MTA3: variants seen among roughly 807,000 people sequenced by gnomAD.
MTA3 encodes metastasis-associated protein MTA3.
MTA3 carries 34 observed loss-of-function variants against 83.5 expected under a neutral mutation model. The observed-to-expected ratio is 0.41, with a 90% confidence interval of 0.31 to 0.54. The LOEUF (loss-of-function observed/expected upper bound fraction) is 0.54. Ranked by LOEUF, MTA3 falls within the 20% of genes least tolerant of loss-of-function variation. The probability of loss-of-function intolerance (pLI) is 0.33; values close to 1 mark genes in which losing one functional copy is unlikely to be tolerated. For missense variants in MTA3, 761 were observed against 726.4 expected (o/e 1.05, Z -0.55); for synonymous variants, 303 against 252.7 (o/e 1.20, Z -1.89).
chr2:42,748,424 A>T (rs1267134850), intron 16 of MTA3, among the ~76,000 whole-genome samples: 2 of 152,110 alleles, frequency 1.3e-5, no homozygotes, highest in African/African-American at 2.4e-5. Context: ...GTCATTTTGG[A>T]TGATTTTTAG....
chr2:42,542,974 G>C (rs1281077795), intron 2 of MTA3, among the ~76,000 whole-genome samples: 1 of 152,094 alleles, frequency 6.6e-6, no homozygotes, highest in African/African-American at 2.4e-5. Context: ...TCTCCCCGAG[G>C]AGTTTGGGGC....
Position 42,753,436 on chromosome 2 carries a change from G to A in MTA3, c.*37G>A. 1.9e-6 allele frequency: 3 copies of A among 1,550,426 alleles called. No homozygotes were observed. Among genetic ancestry groups the A allele is most frequent in the Non-Finnish European group, 2.6e-6 (3 of 1,146,876 alleles). On this transcript the variant is annotated 3_prime_UTR_variant, in exon 17 of 17. Transcript: ENST00000405094. ...TTCATTCTACAATCCAAGACTTGCT[G>A]CACTGTCCTGCTGATGTTCACAGCC...
At chr2:42,733,358 AG>A (rs1453319580) in intron 16 of MTA3, among the ~76,000 whole-genome samples, 1 of 152,210 alleles carries the variant, frequency 6.6e-6, no homozygotes, top group East Asian at 1.9e-4. Flanking sequence ...CACTATCATG[AG>A]AATAGCACAG....
intron 6 of MTA3, among the ~76,000 whole-genome samples, chr2:42,653,047 A>G (rs1025516152): frequency 2.1e-4 from 32 of 152,260 alleles, no homozygotes; most frequent in African/African-American, 6.8e-4. Flanking sequence ...CTTAAGAAGT[A>G]CTTTGTCAGT....
intron 3 of MTA3, among the ~76,000 whole-genome samples, chr2:42,583,648 C>T (rs752735224): frequency 2.0e-5 from 3 of 151,894 alleles, no homozygotes; most frequent in Non-Finnish European, 4.4e-5. Context: ...CATGCCTCAG[C>T]CTCCCGAATA....
In MTA3 at chr2:42,668,525, C is replaced by T. The variant is rs138100231; in HGVS notation, c.702+8663C>T. 1.8e-3 allele frequency among the ~76,000 whole-genome samples: 280 copies of T among 152,244 alleles called. 2 individuals carry two copies. Among genetic ancestry groups the T allele is most frequent in the African/African-American group, 5.3e-3 (222 of 41,544 alleles). On this transcript the variant is annotated intron_variant, in intron 8 of 16. Coordinates refer to ENST00000405094, the MANE Select transcript of MTA3 (RefSeq NM_001330442.2). ...ATAATTACTTGTAAAGTGTTCAGAG[C>T]AGTATCTGGCACAGTGTCAGAGCTC... is the stretch of plus-strand genomic sequence containing the variant.
intron 7 of MTA3, 66 bp downstream of exon 7, chr2:42,656,368 G>A: frequency 2.0e-6 from 2 of 984,330 alleles, no homozygotes; most frequent in Non-Finnish European, 2.9e-6. Context: ...ATAGGTATAT[G>A]TATTTTTATT....
chr2:42,609,121 C>G (rs1234040796), intron 3 of MTA3, among the ~76,000 whole-genome samples: 3 of 151,596 alleles, frequency 2.0e-5, no homozygotes. Flanking sequence ...AACTCCACCC[C>G]CTGGATTCAA....
rs762306383 is a variant in MTA3 at position 42,587,857 on chromosome 2, C to T, written c.190+8657C>T. Reference sequence around the variant, plus strand: ...CCTCAAGTGATCTGCCCACCTTGGCCTCCTAAGGTGCTGGGGTTCCAGGTG... The same window carrying T: ...CCTCAAGTGATCTGCCCACCTTGGCTTCCTAAGGTGCTGGGGTTCCAGGTG... On this transcript the variant is annotated intron_variant, in intron 3 of 16. Transcript: ENST00000405094. 1.1e-3 allele frequency among the ~76,000 whole-genome samples: 168 copies of T among 152,266 alleles called. 1 individual carries two copies. The highest frequency in any genetic ancestry group is 6.5e-4 in the Admixed American group (10 of 15,276).
intron 2 of MTA3, among the ~76,000 whole-genome samples, chr2:42,545,600 G>T (rs895889281): frequency 2.0e-5 from 3 of 152,126 alleles, no homozygotes; most frequent in Non-Finnish European, 4.4e-5. Context: ...TTTCTTATGT[G>T]TAAAATAAGG....
intron 5 of MTA3, among the ~76,000 whole-genome samples, chr2:42,641,945 T>C (rs949766886): frequency 2.0e-5 from 3 of 152,088 alleles, no homozygotes; most frequent in African/African-American, 7.2e-5. Context: ...ATTCAGGTGA[T>C]GGGTACACTA....
At chr2:42,713,663 T>A (rs1666805642) in intron 14 of MTA3, among the ~76,000 whole-genome samples, 1 of 152,160 alleles carries the variant, frequency 6.6e-6, no homozygotes, top group Non-Finnish European at 1.5e-5. Flanking sequence ...TAAGTAGGCT[T>A]ATTGTTTGTT....
intron 1 of MTA3, 69 bp from the exon 2 acceptor site, chr2:42,570,368 A>G (rs942229196): frequency 5.1e-6 from 5 of 982,944 alleles, no homozygotes; most frequent in Non-Finnish European, 6.1e-6. Flanking sequence ...CCTAACATAA[A>G]AAGTCTTGGA....
intron 9 of MTA3, among the ~76,000 whole-genome samples, chr2:42,693,717 C>T (rs146093482): frequency 1.5e-3 from 226 of 152,284 alleles, no homozygotes; most frequent in Non-Finnish European, 2.7e-3. Flanking sequence ...ACCTGGGGAC[C>T]CCAAAAGCCT....
chr2:42,606,135 AG>A lies in MTA3; in HGVS notation c.191-3319del, dbSNP rs1206512314. Among the ~76,000 whole-genome samples the A allele has an allele frequency of 3.0e-3, 173 of 57,270 alleles. 1 individual carries two copies. The highest frequency in any genetic ancestry group is 5.5e-3 in the Admixed American group (31 of 5,598). The allele number at this position is 57,270 out of a possible 152,430, so 37.6% of individuals were successfully genotyped here. On this transcript the variant is annotated intron_variant, in intron 3 of 16. Transcript: ENST00000405094. ...GCTGAGGGGCTCCTCACTTCCCAGT[AG>A]GGGCGGCCGGGCAGAGGCGCCCCTC... is the stretch of plus-strand genomic sequence containing the variant.
At position 42,722,891 on chromosome 2, in the gene MTA3, A is replaced by T; in HGVS notation, c.1615A>T (p.Ile539Phe). Residue 539 changes from isoleucine (I) to phenylalanine (F), a missense_variant and splice_region_variant, in exon 16 of 17, where the codon ATC becomes TTC. Coordinates refer to ENST00000405094, the MANE Select transcript of MTA3 (RefSeq NM_001330442.2). ...AGAAACCTTTTTTCCCCCATCAGAG[A>T]TCCATCCTGCAAAGAAACCTAATGT... ...PLACIIGYLE[I>F]HPAKKPNVIR... 6.4e-7 allele frequency: 1 copy of T among 1,551,046 alleles called. No individual in the cohort carries two copies. The highest frequency in any genetic ancestry group is 1.2e-5 in the South Asian group (1 of 84,032).
chr2:42,716,154 A>G (rs1024458105), intron 14 of MTA3, among the ~76,000 whole-genome samples: 3 of 152,144 alleles, frequency 2.0e-5, no homozygotes, highest in African/African-American at 4.8e-5. Context: ...ATAGCTTAGT[A>G]ATTTATTTTT....
At chr2:42,679,620 T>C (rs970622972) in intron 8 of MTA3, among the ~76,000 whole-genome samples, 2 of 152,248 alleles carry the variant, frequency 1.3e-5, no homozygotes, top group African/African-American at 4.8e-5. Flanking sequence ...TGGGAACCCA[T>C]GCAGAAGCAT....
intron 2 of MTA3, among the ~76,000 whole-genome samples, chr2:42,573,757 C>T (rs1192575958): frequency 3.3e-5 from 5 of 152,028 alleles, no homozygotes; most frequent in East Asian, 1.9e-4. Context: ...GTGATCCACC[C>T]GCCTTGGCCT....
Sources: gnomAD v4.1 joint callset for allele counts (sites outside exome capture counted in the v4.1 genomes callset) on GRCh38, gnomAD v4.1.1 for gene constraint, MANE v1.5 for transcripts, NCBI Gene and HGNC (gene_info 2026-07-23, HGNC 2026-07-21) for gene names.